Variants in SERPINB7 observed in about 807,000 individuals in gnomAD.
The protein encoded by SERPINB7 is serpin family B member 7.
A neutral mutation model predicts 37.4 loss-of-function variants in SERPINB7; 31 were observed. The ratio of observed to expected loss-of-function variants is 0.83; its 90% confidence interval spans 0.62 to 1.12. The LOEUF (loss-of-function observed/expected upper bound fraction) is 1.12, where lower values mean the gene tolerates loss of function less well. SERPINB7 is among the 50% of genes most tolerant of loss of function. The pLI is 0.00. For synonymous variants in SERPINB7, 163 were observed against 166.1 expected (o/e 0.98, Z 0.14); for missense variants, 521 against 455.3 (o/e 1.14, Z -1.31).
At chr18:63,786,144 C>CATAT (rs2049368620) in intron 2 of SERPINB7, among the ~76,000 whole-genome samples, 3 of 89,984 alleles carry the variant, frequency 3.3e-5, no homozygotes, top group Non-Finnish European at 7.4e-5. Context: ...TACATATATA[C>CATAT]ACACACACAC....
intron 1 of SERPINB7, among the ~76,000 whole-genome samples, chr18:63,781,526 A>C (rs1306865457): frequency 6.6e-6 from 1 of 152,218 alleles, no homozygotes; most frequent in African/African-American, 2.4e-5. Flanking sequence ...AGTCTGAGAC[A>C]ACCCCAACTG....
At chr18:63,756,605 A>C (rs925443506) in intron 1 of SERPINB7, among the ~76,000 whole-genome samples, 11 of 152,210 alleles carry the variant, frequency 7.2e-5, no homozygotes, top group Non-Finnish European at 1.5e-4. Context: ...GGTAGAGATC[A>C]GGGTGGAGGA....
intron 1 of SERPINB7, among the ~76,000 whole-genome samples, chr18:63,779,715 A>C (rs1412396120): frequency 6.6e-6 from 1 of 152,056 alleles, no homozygotes; most frequent in Non-Finnish European, 1.5e-5. Flanking sequence ...GAATGAATAC[A>C]TTCTTGTGTA....
chr18:63,791,973 A>G (rs1465857137), intron 2 of SERPINB7, among the ~76,000 whole-genome samples: 2 of 152,158 alleles, frequency 1.3e-5, no homozygotes, highest in Non-Finnish European at 2.9e-5. Flanking sequence ...TTCACTGACT[A>G]TATTGAAAAC....
intron 4 of SERPINB7, 24 bp from the exon 5 acceptor site, chr18:63,796,242 C>G: frequency 7.6e-7 from 1 of 1,316,720 alleles, no homozygotes; most frequent in African/African-American, 1.5e-5. Flanking sequence ...TTTGTAAATA[C>G]GAGAACTATA....
chr18:63,798,638 A>G lies in SERPINB7; in HGVS notation c.489A>G (p.Ile163Met), dbSNP rs1240230911. The G allele has an allele frequency of 1.3e-6, 2 of 1,599,994 alleles. No individual in the cohort carries two copies. The highest frequency in any genetic ancestry group is 1.1e-5 in the South Asian group (1 of 87,324). Residue 163 changes from isoleucine (I) to methionine (M), a missense_variant, in exon 6 of 8, where the codon ATA becomes ATG. Coordinates refer to ENST00000398019, the MANE Select transcript of SERPINB7 (RefSeq NM_003784.4). ...KIKNVIGEGG[I>M]SSSAVMVLVN... ...AGAACGTGATTGGTGAAGGTGGCAT[A>G]AGCTCATCTGCTGTAATGGTGCTGG...
At chr18:63,762,615 C>T (rs1482438498) in intron 1 of SERPINB7, among the ~76,000 whole-genome samples, 1 of 152,140 alleles carries the variant, frequency 6.6e-6, no homozygotes, top group Admixed American at 6.5e-5. Flanking sequence ...GCCTTATTTC[C>T]CCCCCATGAT....
rs2049486491 is a variant in SERPINB7 at position 63,796,248 on chromosome 18, C to T, written c.337-18C>T. ...TGGTGATGATTTGTAAATACGAGAA[C>T]TATATTCTTCTTTATAGGACTACAT... On this transcript the variant is annotated intron_variant, in intron 4 of 7. Coordinates refer to ENST00000398019, the MANE Select transcript of SERPINB7 (RefSeq NM_003784.4). The T allele has an allele frequency of 7.2e-7, 1 of 1,386,728 alleles. No homozygotes were observed. The highest frequency in any genetic ancestry group is 1.7e-5 in the Admixed American group (1 of 57,640). The allele number at this position is 1,386,728 out of a possible 1,614,324, so 85.9% of individuals were successfully genotyped here.
intron 1 of SERPINB7, among the ~76,000 whole-genome samples, chr18:63,763,029 G>T (rs996612317): frequency 6.6e-6 from 1 of 152,126 alleles, no homozygotes; most frequent in Non-Finnish European, 1.5e-5. Context: ...GGGGGTTTCA[G>T]CTACTATAGT....
At chr18:63,796,020 A>T (rs1345498781) in intron 4 of SERPINB7, among the ~76,000 whole-genome samples, 1 of 152,208 alleles carries the variant, frequency 6.6e-6, no homozygotes, top group African/African-American at 2.4e-5. Context: ...ATTCTCTATT[A>T]GCCTCCTCAA....
intron 1 of SERPINB7, among the ~76,000 whole-genome samples, chr18:63,759,638 C>T (rs35371043): frequency 0.07 from 10,681 of 152,190 alleles, 498 homozygotes; most frequent in Non-Finnish European, 0.09. Context: ...TGTGTCTCCA[C>T]CCAAATTCTC....
At chr18:63,767,095 C>G (rs964996331) in intron 1 of SERPINB7, among the ~76,000 whole-genome samples, 2 of 151,996 alleles carry the variant, frequency 1.3e-5, no homozygotes, top group Non-Finnish European at 2.9e-5. Flanking sequence ...CCAGGCCACT[C>G]TTGCTGGATA....
intron 5 of SERPINB7, among the ~76,000 whole-genome samples, chr18:63,797,862 C>A (rs2049504809): frequency 6.6e-6 from 1 of 152,228 alleles, no homozygotes; most frequent in Admixed American, 6.5e-5. Flanking sequence ...TTCTCCCCGA[C>A]AAATACACCT....
At chr18:63,774,945 T>G (rs914724224), upstream of SERPINB7, among the ~76,000 whole-genome samples, 1 of 152,080 alleles carries the variant, frequency 6.6e-6, no homozygotes, top group African/African-American at 2.4e-5. Flanking sequence ...TGGAGAATGA[T>G]AAAAAACATT....
intron 1 of SERPINB7, among the ~76,000 whole-genome samples, chr18:63,764,311 T>G (rs577827246): frequency 6.6e-6 from 1 of 152,344 alleles, no homozygotes; most frequent in East Asian, 1.9e-4. Flanking sequence ...TTACTGTGTC[T>G]GGGGATTTCA....
At chr18:63,798,510 A>G in intron 5 of SERPINB7, 94 bp from the exon 6 acceptor site, 1 of 949,810 alleles carries the variant, frequency 1.1e-6, no homozygotes, top group Admixed American at 3.0e-5. Flanking sequence ...ATTATGTGTT[A>G]AGAAAAAAAC....
intron 7 of SERPINB7, among the ~76,000 whole-genome samples, chr18:63,801,413 G>A (rs549335448): frequency 1.5e-4 from 23 of 152,296 alleles, no homozygotes; most frequent in Admixed American, 1.0e-3. Flanking sequence ...GAATTAAAAT[G>A]TATGGTCTCA....
intron 1 of SERPINB7, among the ~76,000 whole-genome samples, chr18:63,770,133 A>G (rs568249649): frequency 1.3e-5 from 2 of 150,232 alleles, no homozygotes; most frequent in Admixed American, 6.6e-5. Context: ...AGTGGGGAGG[A>G]TAGAGGGTGT....
At chr18:63,766,968 T>C (rs2049184038) in intron 1 of SERPINB7, among the ~76,000 whole-genome samples, 1 of 152,134 alleles carries the variant, frequency 6.6e-6, no homozygotes, top group Admixed American at 6.6e-5. Flanking sequence ...TTCTGCTAAA[T>C]ACACTTTCAA....
Sources: gnomAD v4.1 joint callset for allele counts (sites outside exome capture counted in the v4.1 genomes callset) on GRCh38, gnomAD v4.1.1 for gene constraint, MANE v1.5 for transcripts, NCBI Gene and HGNC (gene_info 2026-07-23, HGNC 2026-07-21) for gene names.